KAZN: variants seen among roughly 807,000 people sequenced by gnomAD.
The protein encoded by KAZN is kazrin, periplakin interacting protein.
A neutral mutation model predicts 87.4 loss-of-function variants in KAZN; 40 were observed. That is an observed-to-expected ratio of 0.46 (90% CI 0.36 to 0.60). The LOEUF is 0.60. Ranked by LOEUF, KAZN falls within the 20% of genes least tolerant of loss-of-function variation. The pLI, the probability that KAZN is intolerant of heterozygous loss-of-function variation, is 0.00. For missense variants in KAZN, 898 were observed against 1,073.9 expected (o/e 0.84, Z 2.29); for synonymous variants, 466 against 458.3 (o/e 1.02, Z -0.22).
chr1:14,652,496 C>T (rs796105598), intron 1 of KAZN, among the ~76,000 whole-genome samples: 1 of 2,872 alleles, frequency 3.5e-4, no homozygotes, highest in African/African-American at 1.4e-3. Flanking sequence ...TCCACCTATC[C>T]ACCTATCTAC....
chr1:15,015,307 C>A (rs370289792), intron 2 of KAZN, among the ~76,000 whole-genome samples: 1 of 152,172 alleles, frequency 6.6e-6, no homozygotes, highest in Middle Eastern at 3.4e-3. Flanking sequence ...CGCCCGCCAC[C>A]ACACCCAGCT....
chr1:14,419,906 T>G (rs761003720), intron 2 of KAZN, among the ~76,000 whole-genome samples: 1 of 151,994 alleles, frequency 6.6e-6, no homozygotes, highest in African/African-American at 2.4e-5. Flanking sequence ...CGAGCAACAA[T>G]GGGATTTATT....
At chr1:14,318,501 T>A (rs967489890) in intron 2 of KAZN, among the ~76,000 whole-genome samples, 1 of 152,090 alleles carries the variant, frequency 6.6e-6, no homozygotes, top group Non-Finnish European at 1.5e-5. Context: ...ATACTGGTTT[T>A]CCGTAATTTG....
chr1:14,374,235 C>G (rs1436564783), intron 2 of KAZN, among the ~76,000 whole-genome samples: 2 of 152,136 alleles, frequency 1.3e-5, no homozygotes, highest in Non-Finnish European at 2.9e-5. Context: ...GTGTCCTGAC[C>G]ACACCTCACA....
chr1:14,986,099 T>A (rs1316799211), intron 2 of KAZN, among the ~76,000 whole-genome samples: 5 of 144,794 alleles, frequency 3.5e-5, no homozygotes, highest in African/African-American at 1.3e-4. Context: ...GCCAGGAGAG[T>A]GGATTGCAAC....
chr1:14,992,537 G>A (rs917076243), intron 2 of KAZN, among the ~76,000 whole-genome samples: 3 of 152,220 alleles, frequency 2.0e-5, no homozygotes, highest in African/African-American at 7.2e-5. Context: ...GTTGGCCACC[G>A]CTGTGAGCTC....
chr1:14,607,521 A>T (rs1353592110), intron 1 of KAZN, among the ~76,000 whole-genome samples: 2 of 152,242 alleles, frequency 1.3e-5, no homozygotes, highest in Non-Finnish European at 2.9e-5. Context: ...TAGGATTTGC[A>T]TGTCAGACAC....
chr1:14,940,071 G>A (rs1422555477), intron 1 of KAZN, among the ~76,000 whole-genome samples: 1 of 152,180 alleles, frequency 6.6e-6, no homozygotes, highest in Admixed American at 6.5e-5. Flanking sequence ...CCAGTGGTTT[G>A]GCAGGCCATG....
At chr1:14,085,948 G>T (rs1444248446) in intron 1 of KAZN, among the ~76,000 whole-genome samples, 1 of 152,092 alleles carries the variant, frequency 6.6e-6, no homozygotes, top group Non-Finnish European at 1.5e-5. Flanking sequence ...AAAATGTGAA[G>T]TGATACCCCA....
At chr1:14,835,288 T>G (rs1403336482) in intron 1 of KAZN, among the ~76,000 whole-genome samples, 1 of 152,052 alleles carries the variant, frequency 6.6e-6, no homozygotes, top group Non-Finnish European at 1.5e-5. Flanking sequence ...AGCTCTAAAT[T>G]GAAGAAAAAT....
At chr1:14,559,301 A>G (rs1269744327) in intron 2 of KAZN, among the ~76,000 whole-genome samples, 1 of 152,200 alleles carries the variant, frequency 6.6e-6, no homozygotes, top group Non-Finnish European at 1.5e-5. Flanking sequence ...TGAATAATTC[A>G]CCAACTAGAG....
intron 2 of KAZN, among the ~76,000 whole-genome samples, chr1:14,289,597 C>T (rs541226688): frequency 6.6e-5 from 10 of 152,062 alleles, no homozygotes; most frequent in African/African-American, 9.6e-5. Context: ...ATGGGTCTCC[C>T]GAATATAGCA....
Position 13,969,848 on chromosome 1 carries a change from T to C in KAZN, c.91+76092T>C, listed in dbSNP as rs150653049. ...GTGATTTGAGAATTTTGGACTGCAT[T>C]GTCTTTTGAATTCAACTATAGAGAC... On this transcript the variant is annotated intron_variant, in intron 1 of 16. Coordinates refer to the KAZN transcript ENST00000636203. Among the ~76,000 whole-genome samples, 247 of 152,316 alleles carry C rather than the reference T, an allele frequency of 1.6e-3. 1 individual carries two copies. The highest frequency in any genetic ancestry group is 5.8e-3 in the African/African-American group (243 of 41,570).
intron 1 of KAZN, among the ~76,000 whole-genome samples, chr1:14,622,793 C>G (rs1267300072): frequency 6.6e-6 from 1 of 151,732 alleles, no homozygotes; most frequent in Non-Finnish European, 1.5e-5. Flanking sequence ...CATTCTGATT[C>G]TTTTATTAAG....
intron 1 of KAZN, among the ~76,000 whole-genome samples, chr1:14,050,760 G>A (rs181566952): frequency 7.9e-5 from 12 of 152,220 alleles, no homozygotes; most frequent in South Asian, 6.2e-4. Flanking sequence ...CCAGCCTTGC[G>A]GACAGGCCTG....
chr1:13,966,612 T>A (rs979654687), intron 1 of KAZN, among the ~76,000 whole-genome samples: 1 of 152,036 alleles, frequency 6.6e-6, no homozygotes, highest in African/African-American at 2.4e-5. Flanking sequence ...CCCAGGGTAG[T>A]CTCTTGGTGT....
At chr1:14,262,436 G>A (rs1168003002) in intron 2 of KAZN, among the ~76,000 whole-genome samples, 1 of 152,110 alleles carries the variant, frequency 6.6e-6, no homozygotes, top group African/African-American at 2.4e-5. Context: ...TTTGGCAATT[G>A]CCGCTTTTAA....
intron 1 of KAZN, among the ~76,000 whole-genome samples, chr1:14,797,218 C>T (rs190253089): frequency 4.2e-4 from 64 of 151,974 alleles, no homozygotes; most frequent in African/African-American, 1.5e-3. Flanking sequence ...GCACCACCAC[C>T]CCTGGCTAAT....
chr1:14,125,873 C>T (rs973803901), intron 1 of KAZN, among the ~76,000 whole-genome samples: 2 of 148,410 alleles, frequency 1.3e-5, no homozygotes, highest in African/African-American at 5.0e-5. Context: ...TAGATTCAGG[C>T]AACAAAGATC....
Sources: gnomAD v4.1 joint callset for allele counts (sites outside exome capture counted in the v4.1 genomes callset) on GRCh38, gnomAD v4.1.1 for gene constraint, MANE v1.5 for transcripts, NCBI Gene and HGNC (gene_info 2026-07-23, HGNC 2026-07-21) for gene names.